The following TTC7A variants were observed in gnomAD, a reference collection of about 807,000 sequenced individuals.
TTC7A encodes the protein tetratricopeptide repeat domain 7A, also known as tetratricopeptide repeat protein 7A.
Under a neutral mutation model 103.7 loss-of-function variants are expected in TTC7A, and 110 were observed. That is an observed-to-expected ratio of 1.06 (90% CI 0.91 to 1.24). The LOEUF (loss-of-function observed/expected upper bound fraction) is 1.24. Among genes scored for constraint, TTC7A ranks in the 50% most tolerant of loss-of-function variants. The pLI is 0.00. For missense variants in TTC7A, 1,340 were observed against 1,116.3 expected, an observed-to-expected ratio of 1.20 and a Z score of -2.86; for synonymous variants, 521 against 467.9, an observed-to-expected ratio of 1.11 and a Z score of -1.47.
intron 15 of TTC7A, among the ~76,000 whole-genome samples, chr2:47,042,130 T>C (rs902304989): frequency 6.6e-6 from 1 of 152,048 alleles, no homozygotes; most frequent in African/African-American, 2.4e-5. Flanking sequence ...CAGATAAAAA[T>C]CTCTCGGGTG....
Position 47,057,231 on chromosome 2 carries a change from C to T in TTC7A, c.2153-3538C>T, listed in dbSNP as rs200243783. On this transcript the variant is annotated intron_variant, in intron 18 of 19. Coordinates refer to ENST00000319190, the MANE Select transcript of TTC7A (RefSeq NM_020458.4). ...TCAGAGGCCTACCCTGGAGGCTGGCCCTGCTGGGCACTGTCTGCCAGGCTG... is the reference window on the plus strand; with the variant it reads ...TCAGAGGCCTACCCTGGAGGCTGGCTCTGCTGGGCACTGTCTGCCAGGCTG... Among the ~76,000 whole-genome samples, 5 of 152,206 alleles carry T rather than the reference C, an allele frequency of 3.3e-5. No individual in the cohort carries two copies. In the East Asian group the frequency reaches 9.6e-4, roughly 29 times the overall value.
At chr2:46,921,016 C>G (rs1669076414) in intron 2 of TTC7A, among the ~76,000 whole-genome samples, 1 of 151,488 alleles carries the variant, frequency 6.6e-6, no homozygotes. Context: ...TAGAGGGATA[C>G]TTTCTCAGCC....
intron 18 of TTC7A, among the ~76,000 whole-genome samples, chr2:47,059,083 G>A (rs902326301): frequency 4.4e-5 from 6 of 137,218 alleles, no homozygotes; most frequent in African/African-American, 8.4e-5. Context: ...GCACAGTGGC[G>A]CGATCGCAGC....
chr2:46,939,065 T>C (rs559327636), upstream of TTC7A, among the ~76,000 whole-genome samples: 1 of 149,598 alleles, frequency 6.7e-6, no homozygotes, highest in East Asian at 2.0e-4. Context: ...CGCTTGAAGC[T>C]GGGAGTTTAA....
chr2:46,989,018 A>G (rs915945189), intron 5 of TTC7A, among the ~76,000 whole-genome samples: 2 of 152,078 alleles, frequency 1.3e-5, no homozygotes, highest in Admixed American at 1.3e-4. Context: ...TGTCTCCCTC[A>G]CCAGCCTCAT....
intron 3 of TTC7A, among the ~76,000 whole-genome samples, chr2:46,970,013 A>T: frequency 6.6e-6 from 1 of 152,112 alleles, no homozygotes; most frequent in African/African-American, 2.4e-5. Context: ...TTAAATTGAA[A>T]TGGGTCTTGT....
intron 14 of TTC7A, among the ~76,000 whole-genome samples, chr2:47,028,685 G>T (rs1680184571): frequency 6.6e-6 from 1 of 152,162 alleles, no homozygotes; most frequent in African/African-American, 2.4e-5. Context: ...CCAGAACCAG[G>T]CTTAATAAAT....
intron 18 of TTC7A, among the ~76,000 whole-genome samples, chr2:47,052,472 C>T (rs1274940784): frequency 2.0e-5 from 3 of 152,200 alleles, no homozygotes; most frequent in Admixed American, 1.3e-4. Flanking sequence ...GTGGCCATTA[C>T]AAGTGCTCAG....
chr2:47,073,273 A>G (rs1684928054), intron 19 of TTC7A, among the ~76,000 whole-genome samples: 1 of 152,194 alleles, frequency 6.6e-6, no homozygotes, highest in South Asian at 2.1e-4. Flanking sequence ...CACTCCTGCC[A>G]GACACTTCTC....
rs746418076 is a variant in TTC7A, at chr2:47,021,933, G to A, written c.1464G>A (p.Lys488=). 2 of 1,613,978 alleles carry A rather than the reference G, an allele frequency of 1.2e-6. No homozygotes were observed. The highest frequency in any genetic ancestry group is 1.7e-6 in the Non-Finnish European group (2 of 1,179,962). Residue 488 remains lysine, a synonymous_variant, in exon 12 of 20, where the codon AAG becomes AAA. Coordinates refer to ENST00000319190, the MANE Select transcript of TTC7A (RefSeq NM_020458.4). ...LGEEAGEFLP[K]GYLALGLTYS... is the part of the protein sequence containing the mutation. ...AGGAAGCCGGGGAGTTCCTCCCCAA[G>A]GGCTACCTGGCTCTGGGTCTCACCT... is the stretch of plus-strand genomic sequence containing the variant.
Position 46,950,479 on chromosome 2 carries a change from G to T in TTC7A, c.301G>T (p.Glu101Ter). The change falls in exon 2 of 20, where the codon GAA (glutamate) becomes TAA (stop). Residue 101 changes from glutamate to a stop codon, truncating the protein, a stop_gained. Coordinates refer to ENST00000319190, the MANE Select transcript of TTC7A (RefSeq NM_020458.4). LOFTEE classifies it high-confidence loss of function. ...GGAGAAGAATGAGCCGAAGATGAGC[G>T]AAGCCAAAAATTATCTAAGCAGTAT... Reference protein sequence around the residue: ...LLEKNEPKMSEAKNYLSSILN... With the variant: ...LLEKNEPKMS 1 of 1,614,136 alleles carries T rather than the reference G, an allele frequency of 6.2e-7. No individual in the cohort carries two copies. Among genetic ancestry groups the T allele is most frequent in the Non-Finnish European group, 8.5e-7 (1 of 1,180,028 alleles).
Position 47,006,717 on chromosome 2 carries a change from G to T in TTC7A, c.1280G>T (p.Cys427Phe), listed in dbSNP as rs778408684. 5.6e-6 allele frequency: 9 copies of T among 1,613,792 alleles called. No individual in the cohort carries two copies. The highest frequency in any genetic ancestry group is 7.6e-6 in the Non-Finnish European group (9 of 1,179,624). ...WYQVALSMVACGKSAYAVSLL... is the reference protein window; with the variant it reads ...WYQVALSMVAFGKSAYAVSLL... Reference sequence around the variant, plus strand: ...CAGGTGGCCCTCTCCATGGTGGCTTGTGGGAAGGTAAGGCCCAGGGGGCGC... The same window carrying T: ...CAGGTGGCCCTCTCCATGGTGGCTTTTGGGAAGGTAAGGCCCAGGGGGCGC... The change falls in exon 10 of 20, where the codon TGT becomes TTT. Residue 427 changes from cysteine to phenylalanine, a missense_variant. By Grantham distance (205) the Cys-to-Phe change is radical. Coordinates refer to ENST00000319190, the MANE Select transcript of TTC7A (RefSeq NM_020458.4).
chr2:46,980,378 C>T (rs568663218), intron 5 of TTC7A, among the ~76,000 whole-genome samples: 25 of 152,156 alleles, frequency 1.6e-4, no homozygotes, highest in Middle Eastern at 3.4e-3. Context: ...CACCATCACA[C>T]CTGGCTAATT....
intron 8 of TTC7A, among the ~76,000 whole-genome samples, chr2:46,998,360 G>C (rs1022759304): frequency 2.0e-5 from 3 of 152,148 alleles, no homozygotes; most frequent in African/African-American, 7.2e-5. Context: ...GGCCAGACCT[G>C]CCTTTTCTCC....
rs1670441934 is a variant in TTC7A, at chr2:46,941,898, T to C, written c.184+173T>C. ...AGGTCCTTCTGCCGCGAGAGAAAAATCACATGTGGTTTGGGGGCTTGGAGG... is the reference window on the plus strand; with the variant it reads ...AGGTCCTTCTGCCGCGAGAGAAAAACCACATGTGGTTTGGGGGCTTGGAGG... On this transcript the variant is annotated intron_variant, in intron 1 of 19. Coordinates refer to ENST00000319190, the MANE Select transcript of TTC7A (RefSeq NM_020458.4). This position sits in a 1 kb window ranked among gnomAD's most constrained non-coding sequence, Gnocchi z 4.2. 2.5e-6 allele frequency: 2 copies of C among 805,084 alleles called. No individual in the cohort carries two copies. The highest frequency in any genetic ancestry group is 2.7e-5 in the East Asian group (1 of 37,036). 49.9% of individuals were successfully genotyped at this position (805,084 alleles called of 1,614,324 possible).
chr2:47,068,833 G>C (rs1483766413), intron 19 of TTC7A, among the ~76,000 whole-genome samples: 2 of 139,282 alleles, frequency 1.4e-5, no homozygotes, highest in Admixed American at 1.6e-4. Flanking sequence ...AGCACTGCTG[G>C]CTTAATTAAG....
At chr2:46,992,641 A>G (rs1572841589) in intron 5 of TTC7A, among the ~76,000 whole-genome samples, 1 of 152,204 alleles carries the variant, frequency 6.6e-6, no homozygotes, top group Non-Finnish European at 1.5e-5. Context: ...GAGAGGATCC[A>G]GGTGACCTTC....
At chr2:47,043,603 C>G (rs1392052263) in intron 15 of TTC7A, among the ~76,000 whole-genome samples, 1 of 152,166 alleles carries the variant, frequency 6.6e-6, no homozygotes, top group Non-Finnish European at 1.5e-5. Context: ...GTGAGGACCA[C>G]AGGTCAGGGT....
At chr2:46,957,571 C>G (rs956123514) in intron 3 of TTC7A, among the ~76,000 whole-genome samples, 3 of 152,174 alleles carry the variant, frequency 2.0e-5, no homozygotes, top group Non-Finnish European at 4.4e-5. Context: ...TGGAGGAGCT[C>G]TTAGCCTTCC....
Sources: gnomAD v4.1 joint callset for allele counts (sites outside exome capture counted in the v4.1 genomes callset) on GRCh38, gnomAD v4.1.1 for gene constraint, Gnocchi (gnomAD v3.1) non-coding constraint, MANE v1.5 for transcripts, NCBI Gene and HGNC (gene_info 2026-07-23, HGNC 2026-07-21) for gene names.